Variants in TMEM123 observed in about 807,000 individuals in gnomAD.
TMEM123 encodes transmembrane protein 123, also known as porimin.
A neutral mutation model predicts 19.7 loss-of-function variants in TMEM123; 16 were observed. The observed-to-expected ratio is 0.81, with a 90% CI of 0.55 to 1.23. The LOEUF (loss-of-function observed/expected upper bound fraction) is 1.23. Ranked by LOEUF, TMEM123 falls within the 50% of genes most tolerant of loss-of-function variation. The pLI is 0.00. For synonymous variants in TMEM123, 118 were observed against 99.4 expected, an observed-to-expected ratio of 1.19 and a Z score of -1.12; for missense variants, 313 against 257.8, an observed-to-expected ratio of 1.21 and a Z score of -1.47.
chr11:102,445,604 G>C (rs754554377), intron 2 of TMEM123, among the ~76,000 whole-genome samples: 1 of 152,194 alleles, frequency 6.6e-6, no homozygotes, highest in Non-Finnish European at 1.5e-5. Flanking sequence ...TTCCACTTCA[G>C]TAAGACTTTC....
At chr11:102,398,970 G>A in intron 4 of TMEM123, 79 bp from the exon 5 acceptor site, 1 of 1,313,930 alleles carries the variant, frequency 7.6e-7, no homozygotes, top group Non-Finnish European at 1.1e-6. Flanking sequence ...TGTTAGTAAA[G>A]TAGGATTAGA....
At chr11:102,399,545 A>T (rs1434452219) in intron 4 of TMEM123, among the ~76,000 whole-genome samples, 1 of 152,224 alleles carries the variant, frequency 6.6e-6, no homozygotes, top group Non-Finnish European at 1.5e-5. Context: ...CCACCTTAAT[A>T]TTCTTTTAAA....
intron 2 of TMEM123, among the ~76,000 whole-genome samples, chr11:102,404,159 G>A (rs1951934327): frequency 6.6e-6 from 1 of 151,962 alleles, no homozygotes; most frequent in Non-Finnish European, 1.5e-5. Flanking sequence ...AGTGAGAGCA[G>A]TACCAATGCC....
intron 2 of TMEM123, among the ~76,000 whole-genome samples, chr11:102,441,733 C>CAAAA (rs781129811): frequency 1.5e-5 from 2 of 129,704 alleles, no homozygotes; most frequent in African/African-American, 5.7e-5. Flanking sequence ...AAAAACCCTT[C>CAAAA]AAAAAAAAAA....
intron 2 of TMEM123, 150 bp from the exon 3 acceptor site, chr11:102,402,356 A>G: frequency 1.4e-6 from 1 of 715,850 alleles, no homozygotes; most frequent in Non-Finnish European, 2.2e-6. Context: ...ACTTTGCACT[A>G]TACTGCAATA....
chr11:102,427,067 GT>G (rs1352477742), intron 2 of TMEM123, among the ~76,000 whole-genome samples: 132 of 138,564 alleles, frequency 9.5e-4, no homozygotes, highest in South Asian at 3.9e-3. Context: ...TGTTTTGCGG[GT>G]TTTTTTTTTT....
intron 2 of TMEM123, among the ~76,000 whole-genome samples, chr11:102,438,895 T>G (rs1385410278): frequency 6.6e-6 from 1 of 152,186 alleles, no homozygotes; most frequent in African/African-American, 2.4e-5. Context: ...ACCCTAATAC[T>G]GCGCTTTTCC....
At chr11:102,410,711 G>A (rs1005016512) in intron 2 of TMEM123, among the ~76,000 whole-genome samples, 1 of 151,924 alleles carries the variant, frequency 6.6e-6, no homozygotes, top group East Asian at 1.9e-4. Context: ...CTTTCCATAG[G>A]CTGGTTTAGT....
rs1954851 is a variant in TMEM123, at chr11:102,396,837, G to A, written c.*2030C>T. The A allele has an allele frequency of 6.6e-6, 1 of 152,148 alleles. No individual in the cohort carries two copies. The highest frequency in any genetic ancestry group is 2.4e-5 in the African/African-American group (1 of 41,432). 9.4% of individuals were successfully genotyped at this position (152,148 alleles called of 1,614,324 possible). A position where few individuals can be genotyped will look rare whatever the true frequency, so the allele number is the denominator to read the frequency against. On this transcript the variant is annotated 3_prime_UTR_variant, in exon 5 of 5. Transcript: ENST00000398136. ...AACTTTCAAGGCAAATGATGACTTAGTACTTAAAAAGTGGTTTTTCTATCT... is the reference window on the plus strand; with the variant it reads ...AACTTTCAAGGCAAATGATGACTTAATACTTAAAAAGTGGTTTTTCTATCT...
intron 2 of TMEM123, among the ~76,000 whole-genome samples, chr11:102,440,525 T>C (rs1397467568): frequency 2.6e-5 from 4 of 152,184 alleles, no homozygotes; most frequent in African/African-American, 9.7e-5. Context: ...CCACCAGGCC[T>C]GCCTTATAAG....
intron 4 of TMEM123, 104 bp from the exon 5 acceptor site, chr11:102,398,995 C>T (rs1373218999): frequency 1.9e-6 from 2 of 1,060,448 alleles, no homozygotes; most frequent in African/African-American, 3.2e-5. Context: ...TTTCAAGCTG[C>T]ACAATCAAAA....
chr11:102,412,075 G>C (rs928172927), intron 2 of TMEM123, among the ~76,000 whole-genome samples: 3 of 152,136 alleles, frequency 2.0e-5, no homozygotes, highest in African/African-American at 7.2e-5. Context: ...CCCATTCTCA[G>C]CTCTGCGAAA....
intron 2 of TMEM123, among the ~76,000 whole-genome samples, chr11:102,432,987 A>C (rs766655065): frequency 1.3e-5 from 2 of 151,904 alleles, no homozygotes; most frequent in African/African-American, 2.4e-5. Flanking sequence ...GATTTCAGAG[A>C]ATGTATGGAA....
chr11:102,431,086 G>A (rs746164407), intron 2 of TMEM123, among the ~76,000 whole-genome samples: 1 of 152,072 alleles, frequency 6.6e-6, no homozygotes, highest in Non-Finnish European at 1.5e-5. Context: ...ATGTTTTGTA[G>A]GAGAGGGTCA....
chr11:102,442,553 A>G (rs1276083), intron 2 of TMEM123, among the ~76,000 whole-genome samples: 50,985 of 152,052 alleles, frequency 0.34, 8,811 homozygotes, highest in South Asian at 0.43. Context: ...TCTCAAAATA[A>G]TAAGAGCTAT....
At chr11:102,404,578 C>T (rs1162708225) in intron 2 of TMEM123, among the ~76,000 whole-genome samples, 1 of 151,656 alleles carries the variant, frequency 6.6e-6, no homozygotes, top group Non-Finnish European at 1.5e-5. Flanking sequence ...GCCCCTGCAC[C>T]TGGCCCCTAT....
intron 2 of TMEM123, among the ~76,000 whole-genome samples, chr11:102,445,158 C>G (rs1857870216): frequency 6.6e-6 from 1 of 152,162 alleles, no homozygotes; most frequent in South Asian, 2.1e-4. Context: ...TACCCTAGAA[C>G]TCGAAGTATA....
Position 102,396,709 on chromosome 11 carries a change from A to C in TMEM123, c.*2158T>G, listed in dbSNP as rs1297920322. 6.6e-6 allele frequency: 1 copy of C among 152,224 alleles called. No homozygotes were observed. The highest frequency in any genetic ancestry group is 1.5e-5 in the Non-Finnish European group (1 of 68,026). The allele number at this position is 152,224 out of a possible 1,614,324, so 9.4% of individuals were successfully genotyped here. A position where few individuals can be genotyped will look rare whatever the true frequency, so the allele number is the denominator to read the frequency against. Reference sequence around the variant, plus strand: ...CAATTTTTATAGATAACAACAACAAAAAAACCTACATTCAAAGTACGGGTA... The same window carrying C: ...CAATTTTTATAGATAACAACAACAACAAAACCTACATTCAAAGTACGGGTA... On this transcript the variant is annotated 3_prime_UTR_variant, in exon 5 of 5. Transcript: ENST00000398136.
intron 2 of TMEM123, among the ~76,000 whole-genome samples, chr11:102,444,624 C>A (rs1035017414): frequency 1.3e-5 from 2 of 151,900 alleles, no homozygotes; most frequent in African/African-American, 4.8e-5. Context: ...ACCAACATGG[C>A]ATATGTATAC....
Sources: allele counts gnomAD v4.1 joint callset (sites outside exome capture counted in the v4.1 genomes callset), GRCh38; gene constraint gnomAD v4.1.1; transcripts MANE v1.5; gene names NCBI Gene and HGNC (gene_info 2026-07-23, HGNC 2026-07-21).